The following HOXB3 variants were observed in gnomAD, a reference collection of about 807,000 sequenced individuals.
HOXB3 encodes the protein homeobox protein Hox-B3.
HOXB3 carries 17 observed loss-of-function variants against 29.2 expected under a neutral mutation model. That is an observed-to-expected ratio of 0.58 (90% CI 0.40 to 0.87). The LOEUF (loss-of-function observed/expected upper bound fraction) is 0.87, where lower values mean the gene tolerates loss of function less well. Ranked by LOEUF, HOXB3 falls within the 40% of genes least tolerant of loss-of-function variation. HOXB3 has a pLI of 0.00. For missense variants in HOXB3, 637 were observed against 616.3 expected (o/e 1.03, Z -0.35); for synonymous variants, 317 against 285.9 (o/e 1.11, Z -1.10).
intron 2 of HOXB3, chr17:48,556,559 A>T (rs1249484024): frequency 1.3e-5 from 2 of 151,754 alleles, no homozygotes; most frequent in East Asian, 3.9e-4. Context: ...TTAAAAAAAA[A>T]AAAAAAAAAA....
Position 48,576,650 on chromosome 17 carries a change from T to TGCCCCCCCCCCCAA in HOXB3, c.-424-2637_-424-2636insTTGGGGGGGGGGGC. On this transcript the variant is annotated intron_variant, in intron 1 of 4. Transcript: ENST00000498678. ...GCCCAGGCCCCAGGGCCCCCTCCTG[T>TGCCCCCCCCCCCAA]CCCCCCACCCCATCCCCTGCACTCA... 31 of 567,752 alleles carry TGCCCCCCCCCCCAA rather than the reference T, an allele frequency of 5.5e-5. No individual in the cohort carries two copies. The East Asian group carries it at 5.7e-4, about 10-fold the overall frequency. 35.2% of individuals were successfully genotyped at this position (567,752 alleles called of 1,614,324 possible).
chr17:48,577,778 C>A, intron 1 of HOXB3: 1 of 1,215,526 alleles, frequency 8.2e-7, no homozygotes, highest in Non-Finnish European at 1.0e-6. Flanking sequence ...TTCCCCAGCT[C>A]AACCCCCCCC....
chr17:48,584,689 G>A (rs2070012983), intron 1 of HOXB3, among the ~76,000 whole-genome samples: 2 of 152,164 alleles, frequency 1.3e-5, no homozygotes, highest in African/African-American at 4.8e-5. Flanking sequence ...AAATTGCTCA[G>A]AGGGTTCACC....
intron 1 of HOXB3, chr17:48,577,912 G>A: frequency 1.5e-6 from 2 of 1,376,706 alleles, no homozygotes; most frequent in Non-Finnish European, 9.4e-7. Flanking sequence ...CGGGCTCTTT[G>A]CACGCGGAGT....
intron 1 of HOXB3, chr17:48,577,995 G>A: frequency 7.7e-7 from 1 of 1,299,990 alleles, no homozygotes; most frequent in Non-Finnish European, 9.8e-7. Flanking sequence ...GCCTCGCAGC[G>A]CTGGCCGGGC....
chr17:48,577,837 G>A, intron 1 of HOXB3: 2 of 1,391,672 alleles, frequency 1.4e-6, no homozygotes, highest in African/African-American at 1.5e-5. Flanking sequence ...AGGGGTGGGA[G>A]GGGGAAGGGG....
At chr17:48,585,061 C>A (rs1229476631) in intron 1 of HOXB3, among the ~76,000 whole-genome samples, 2 of 152,000 alleles carry the variant, frequency 1.3e-5, no homozygotes, top group Non-Finnish European at 2.9e-5. Flanking sequence ...ACGCGCCGGC[C>A]GCAGAAACCC....
At chr17:48,583,990 A>G (rs1281731807) in intron 1 of HOXB3, among the ~76,000 whole-genome samples, 1 of 152,244 alleles carries the variant, frequency 6.6e-6, no homozygotes, top group Non-Finnish European at 1.5e-5. Context: ...CCCACAGTGT[A>G]CCTCCTATAG....
chr17:48,552,811 A>C (rs2068817477), intron 3 of HOXB3, 179 bp from the exon 4 acceptor site: 1 of 290,656 alleles, frequency 3.4e-6, no homozygotes, highest in Admixed American at 4.5e-5. Flanking sequence ...AAAATAAAAA[A>C]ATAAATAAAG....
At chr17:48,580,739 G>A (rs945463959) in intron 1 of HOXB3, 6 of 152,172 alleles carry the variant, frequency 3.9e-5, no homozygotes, top group African/African-American at 9.7e-5. Context: ...GGGGAGGTGT[G>A]GGGAGGAACC....
chr17:48,550,856 G>C lies in HOXB3; in HGVS notation c.774C>G (p.Gly258=), dbSNP rs2068706136. ...KAKGLASSSG[G]PSPAGSPPQP... is the part of the protein sequence containing the mutation. ...GCGGGGGGCTGCCGGCTGGAGATGG[G>C]CCCCCCGACGACGAGGCCAATCCCT... is the stretch of plus-strand genomic sequence containing the variant. The change falls in exon 5 of 5, where the codon GGC becomes GGG. Residue 258 remains glycine (G), a synonymous_variant. Coordinates refer to ENST00000498678, the MANE Select transcript of HOXB3 (RefSeq NM_001384749.1). The C allele has an allele frequency of 6.2e-7, 1 of 1,613,894 alleles. No individual in the cohort carries two copies. Among genetic ancestry groups the C allele is most frequent in the Non-Finnish European group, 8.5e-7 (1 of 1,179,904 alleles).
At chr17:48,588,053 C>T (rs1247558055) in intron 1 of HOXB3, among the ~76,000 whole-genome samples, 1 of 152,194 alleles carries the variant, frequency 6.6e-6, no homozygotes, top group African/African-American at 2.4e-5. Flanking sequence ...AGTAGAGCAG[C>T]TCTCTTAGAG....
chr17:48,571,868 G>C (rs1236007378), intron 2 of HOXB3, among the ~76,000 whole-genome samples: 2 of 152,194 alleles, frequency 1.3e-5, no homozygotes, highest in Non-Finnish European at 2.9e-5. Flanking sequence ...CTGAGATAGA[G>C]TCCCCAAATG....
Position 48,550,379 on chromosome 17 carries a change from A to G in HOXB3, c.1251T>C (p.Pro417=), listed in dbSNP as rs1449971365. 38 of 1,613,894 alleles carry G rather than the reference A, an allele frequency of 2.4e-5. No homozygotes were observed. The highest frequency in any genetic ancestry group is 3.1e-5 in the Non-Finnish European group (36 of 1,180,012). The change falls in exon 5 of 5, where the codon CCT becomes CCC. Residue 417 remains proline (P), a synonymous_variant. Coordinates refer to ENST00000498678, the MANE Select transcript of HOXB3 (RefSeq NM_001384749.1). ...YTDLSSHHAP[P]PQGRIQEAPK... is the part of the protein sequence containing the mutation. ...GCGCTTCTTGGATTCTACCCTGAGG[A>G]GGAGGCGCGTGGTGAGAGGAGAGGT... is the stretch of plus-strand genomic sequence containing the variant.
intron 2 of HOXB3, among the ~76,000 whole-genome samples, chr17:48,568,618 AAC>A (rs2069469285): frequency 2.7e-5 from 4 of 150,520 alleles, no homozygotes; most frequent in Admixed American, 2.0e-4. Flanking sequence ...CTCGCTCACA[AAC>A]ACACGCAGAC....
chr17:48,562,568 G>A (rs1273937754), intron 2 of HOXB3, among the ~76,000 whole-genome samples: 4 of 152,122 alleles, frequency 2.6e-5, no homozygotes, highest in South Asian at 2.1e-4. Flanking sequence ...ACAATGCAGC[G>A]AGTTTGCATT....
At chr17:48,559,885 A>C (rs1253766725) in intron 2 of HOXB3, 1 of 152,256 alleles carries the variant, frequency 6.6e-6, no homozygotes, top group Non-Finnish European at 1.5e-5. Context: ...GCAGGACAAA[A>C]AGGGCAGCCA....
chr17:48,554,517 G>A lies in HOXB3; in HGVS notation c.-159+1014C>T, dbSNP rs971446708. The A allele has an allele frequency of 4.6e-6, 3 of 649,796 alleles. No homozygotes were observed. Among genetic ancestry groups the A allele is most frequent in the Non-Finnish European group, 5.5e-6 (2 of 361,118 alleles). The allele number at this position is 649,796 out of a possible 1,614,324, so 40.3% of individuals were successfully genotyped here. ...GGAAAGAATGGAGACTCCGCCGGTG[G>A]TGCAGACAGGGCTGGGAAGGTTTGT... On this transcript the variant is annotated intron_variant, in intron 3 of 4. Transcript: ENST00000498678. This position sits in a 1 kb window ranked among gnomAD's most constrained non-coding sequence, Gnocchi z 4.1.
At position 48,554,671 on chromosome 17, in the gene HOXB3, C is replaced by T. The variant is rs897867914; in HGVS notation, c.-159+860G>A. 1.4e-6 allele frequency: 1 copy of T among 702,318 alleles called. No homozygotes were observed. Among genetic ancestry groups the T allele is most frequent in the Non-Finnish European group, 2.6e-6 (1 of 384,802 alleles). The allele number at this position is 702,318 out of a possible 1,614,324, so 43.5% of individuals were successfully genotyped here. A position where few individuals can be genotyped will look rare whatever the true frequency, so the allele number is the denominator to read the frequency against. ...GGCGAAGAAGAGCAAGCGATCAGGACACCAAAACGGTTATCGGAGGCAGGT... is the reference window on the plus strand; with the variant it reads ...GGCGAAGAAGAGCAAGCGATCAGGATACCAAAACGGTTATCGGAGGCAGGT... On this transcript the variant is annotated intron_variant, in intron 3 of 4. Coordinates refer to ENST00000498678, the MANE Select transcript of HOXB3 (RefSeq NM_001384749.1). This position sits in a 1 kb window ranked among gnomAD's most constrained non-coding sequence, Gnocchi z 4.1.
Sources: gnomAD v4.1 joint callset for allele counts (sites outside exome capture counted in the v4.1 genomes callset) on GRCh38, gnomAD v4.1.1 for gene constraint, Gnocchi (gnomAD v3.1) non-coding constraint, MANE v1.5 for transcripts, NCBI Gene and HGNC (gene_info 2026-07-23, HGNC 2026-07-21) for gene names.